The following DCHS2 variants were observed in gnomAD, a reference collection of about 807,000 sequenced individuals.
DCHS2 encodes the protein dachsous cadherin-related 2.
A neutral mutation model predicts 182.4 loss-of-function variants in DCHS2; 142 were observed. The observed-to-expected ratio is 0.78, with a 90% confidence interval of 0.68 to 0.89. DCHS2 has a LOEUF of 0.89. Among genes scored for constraint, DCHS2 ranks in the 40% least tolerant of loss-of-function variants. DCHS2 has a pLI of 0.00. For missense variants in DCHS2, 4,319 were observed against 4,198.6 expected, an observed-to-expected ratio of 1.03 and a Z score of -0.79; for synonymous variants, 1,740 against 1,663.3, an observed-to-expected ratio of 1.05 and a Z score of -1.12.
Position 154,417,517 on chromosome 4 carries a change from A to G in DCHS2, c.2053-40073T>C, listed in dbSNP as rs1187518147. ...GATATTTTTTGACCTCACACGAGAA[A>G]AACCTACAAACATTAGTAGTGGACT... On this transcript the variant is annotated intron_variant, in intron 1 of 19. Transcript: ENST00000357232. Among the ~76,000 whole-genome samples, 2 of 152,184 alleles carry G rather than the reference A, an allele frequency of 1.3e-5. 1 individual carries two copies. Among genetic ancestry groups the G allele is most frequent in the Non-Finnish European group, 2.9e-5 (2 of 68,032 alleles).
At chr4:154,266,114 C>A (rs1441530752) in intron 14 of DCHS2, among the ~76,000 whole-genome samples, 2 of 152,098 alleles carry the variant, frequency 1.3e-5, no homozygotes, top group East Asian at 1.9e-4. Flanking sequence ...TGTGAGATGA[C>A]AAAATGCCCA....
At chr4:154,371,419 T>C (rs573462606) in intron 2 of DCHS2, among the ~76,000 whole-genome samples, 1 of 151,958 alleles carries the variant, frequency 6.6e-6, no homozygotes, top group Non-Finnish European at 1.5e-5. Flanking sequence ...GTGGGGTAGG[T>C]TGTTTTAATC....
At chr4:154,465,646 G>A (rs1381969742) in intron 1 of DCHS2, among the ~76,000 whole-genome samples, 2 of 151,544 alleles carry the variant, frequency 1.3e-5, no homozygotes, top group African/African-American at 4.9e-5. Flanking sequence ...TCCAGCCTGG[G>A]TGACAGAGCA....
In DCHS2 at chr4:154,333,122, T is replaced by A; in HGVS notation, c.3086A>T (p.Asp1029Val). 2.5e-6 allele frequency: 4 copies of A among 1,614,084 alleles called. No homozygotes were observed. The highest frequency in any genetic ancestry group is 3.4e-6 in the Non-Finnish European group (4 of 1,180,004). ...GAGGAACAGCACCCCCAGGGCTCTG[T>A]CGATGGCAAAGACGCCTGGCTGCGG... ...ASPQPGVFAI[D>V]RALGVLFLNG... is the part of the protein sequence containing the mutation. Residue 1029 changes from aspartate (D) to valine (V), a missense_variant, in exon 5 of 20, where the codon GAC (aspartate) becomes GTC (valine). Coordinates refer to ENST00000357232, the MANE Select transcript of DCHS2 (RefSeq NM_001358235.2).
chr4:154,418,930 C>T (rs1170775149), intron 1 of DCHS2, among the ~76,000 whole-genome samples: 1 of 152,172 alleles, frequency 6.6e-6, no homozygotes, highest in Non-Finnish European at 1.5e-5. Context: ...CATAGAAAAA[C>T]AGCATGAATG....
chr4:154,261,579 C>T (rs986793003), intron 14 of DCHS2, among the ~76,000 whole-genome samples: 1 of 152,138 alleles, frequency 6.6e-6, no homozygotes, highest in Non-Finnish European at 1.5e-5. Context: ...AGCTTTAGGT[C>T]ATCTGGCACC....
At chr4:154,376,139 G>A (rs6815493) in intron 2 of DCHS2, among the ~76,000 whole-genome samples, 4,426 of 152,102 alleles carry the variant, frequency 0.029, 198 homozygotes, top group South Asian at 0.14. Context: ...TCTGGGTTCC[G>A]GTAACGTTTT....
At position 154,236,410 on chromosome 4, in the gene DCHS2, T is replaced by C. The variant is rs1731506511; in HGVS notation, c.8242A>G (p.Lys2748Glu). The part of the protein sequence containing the change: ...LTVQASDAEK[K>E]HFSFAVVFVS... Reference sequence around the variant, plus strand: ...AACACAACTGCAAAAGAAAAATGTTTCTTTTCTGCATCTGAAGCTTGGACA... The same window carrying C: ...AACACAACTGCAAAAGAAAAATGTTCCTTTTCTGCATCTGAAGCTTGGACA... Residue 2748 changes from lysine to glutamate, a missense_variant, in exon 20 of 20, where the codon AAA (lysine) becomes GAA (glutamate). Transcript: ENST00000357232. The C allele has an allele frequency of 6.2e-7, 1 of 1,613,962 alleles. No individual in the cohort carries two copies. Among genetic ancestry groups the C allele is most frequent in the Non-Finnish European group, 8.5e-7 (1 of 1,179,978 alleles).
chr4:154,298,651 G>C lies in DCHS2; in HGVS notation c.5663C>G (p.Thr1888Ser), dbSNP rs1181925794. The C allele has an allele frequency of 5.6e-6, 9 of 1,612,810 alleles. No homozygotes were observed. The African/African-American group carries it at 9.3e-5, about 17-fold the overall frequency. Residue 1888 changes from threonine (T) to serine (S), a missense_variant, in exon 13 of 20, where the codon ACT becomes AGT. Coordinates refer to ENST00000357232, the MANE Select transcript of DCHS2 (RefSeq NM_001358235.2). The stretch of plus-strand genomic sequence containing the variant: ...GATTTGCTCCCGGTCCAAAGCACGA[G>C]TGGTTGAGAGTTCTCCTGACATCTC... ...INEMSGELST[T>S]RALDREQISN...
At chr4:154,350,666 A>T (rs886827375) in intron 3 of DCHS2, among the ~76,000 whole-genome samples, 3 of 152,204 alleles carry the variant, frequency 2.0e-5, no homozygotes, top group Non-Finnish European at 2.9e-5. Flanking sequence ...AACCATTTAT[A>T]CATCTCTATA....
intron 8 of DCHS2, 52 bp from the exon 9 acceptor site, chr4:154,321,274 A>G (rs767096094): frequency 7.1e-7 from 1 of 1,407,652 alleles, no homozygotes. Flanking sequence ...AAAACAGTTT[A>G]ATGAATAAAT....
At chr4:154,417,236 AGAGAGAGAGAGAGAG>A (rs1560745976) in intron 1 of DCHS2, among the ~76,000 whole-genome samples, 1 of 143,362 alleles carries the variant, frequency 7.0e-6, no homozygotes, top group Admixed American at 7.0e-5. Flanking sequence ...AGAGAGAGAG[AGAGAGAGAGAGAGAG>A]ACCAGTCAGG....
intron 1 of DCHS2, among the ~76,000 whole-genome samples, chr4:154,440,478 T>G (rs1733960292): frequency 6.6e-6 from 1 of 152,162 alleles, no homozygotes; most frequent in Non-Finnish European, 1.5e-5. Context: ...TTTTGGGCAT[T>G]TTTTCCTAAT....
chr4:154,260,290 A>G (rs1425659381), intron 14 of DCHS2, among the ~76,000 whole-genome samples: 1 of 152,184 alleles, frequency 6.6e-6, no homozygotes, highest in Non-Finnish European at 1.5e-5. Flanking sequence ...AGAGAGAAAG[A>G]AACTATGAAA....
intron 2 of DCHS2, among the ~76,000 whole-genome samples, chr4:154,376,751 A>G (rs1561076849): frequency 6.6e-6 from 1 of 152,200 alleles, no homozygotes; most frequent in African/African-American, 2.4e-5. Flanking sequence ...AGGGAATGGA[A>G]GAACACAGTA....
chr4:154,249,084 G>A (rs1176295416), intron 16 of DCHS2, among the ~76,000 whole-genome samples: 1 of 152,112 alleles, frequency 6.6e-6, no homozygotes, highest in Non-Finnish European at 1.5e-5. Context: ...AAAATTGACA[G>A]ATGGGATCTA....
intron 18 of DCHS2, among the ~76,000 whole-genome samples, chr4:154,240,087 T>C (rs1731726898): frequency 6.6e-6 from 1 of 152,164 alleles, no homozygotes; most frequent in Non-Finnish European, 1.5e-5. Context: ...CTTACTTCTA[T>C]AAACATATAT....
Position 154,321,024 on chromosome 4 carries a change from C to T in DCHS2, c.4375G>A (p.Gly1459Arg), listed in dbSNP as rs193920995. 45 of 1,613,570 alleles carry T rather than the reference C, an allele frequency of 2.8e-5. No individual in the cohort carries two copies. The highest frequency in any genetic ancestry group is 3.6e-5 in the Non-Finnish European group (42 of 1,179,852). The change falls in exon 9 of 20, where the codon GGA becomes AGA. Residue 1459 changes from glycine to arginine, a missense_variant. Gly to Arg is a moderately radical substitution (Grantham distance 125). Transcript: ENST00000357232. The part of the protein sequence containing the change: ...DGHFEIDSST[G>R]DLFLSKELDY... ...AGTTCCTTAGAAAGAAACAAGTCTC[C>T]GGTTGAGCTGTCTATTTCAAAGTGT...
chr4:154,235,128 G>A lies in DCHS2; in HGVS notation c.9524C>T (p.Thr3175Ile), dbSNP rs1560969015. The part of the protein sequence containing the change: ...GEGDQGEGCS[T>I]TCAQNNVLPQ... ...TAACACATTATTTTGAGCACAGGTG[G>A]TGCTGCAGCCTTCCCCTTGATCTCC... The change falls in exon 20 of 20, where the codon ACC (threonine) becomes ATC (isoleucine). Residue 3175 changes from threonine (T) to isoleucine (I), a missense_variant. By Grantham distance (89) the Thr-to-Ile change is moderately conservative. Coordinates refer to ENST00000357232, the MANE Select transcript of DCHS2 (RefSeq NM_001358235.2). 31 of 1,613,820 alleles carry A rather than the reference G, an allele frequency of 1.9e-5. No homozygotes were observed. Among genetic ancestry groups the A allele is most frequent in the Non-Finnish European group, 2.6e-5 (31 of 1,179,962 alleles).
Sources: allele counts gnomAD v4.1 joint callset (sites outside exome capture counted in the v4.1 genomes callset), GRCh38; gene constraint gnomAD v4.1.1; transcripts MANE v1.5; gene names NCBI Gene and HGNC (gene_info 2026-07-23, HGNC 2026-07-21).